The following ETFBKMT variants were observed in gnomAD, a reference collection of about 807,000 sequenced individuals.
ETFBKMT encodes the protein electron transfer flavoprotein subunit beta lysine methyltransferase, also known as electron transfer flavoprotein beta subunit lysine methyltransferase.
Under a neutral mutation model 18.3 loss-of-function variants are expected in ETFBKMT, and 13 were observed. The ratio of observed to expected loss-of-function variants is 0.71; its 90% CI spans 0.46 to 1.13. The LOEUF (loss-of-function observed/expected upper bound fraction) is 1.13, where lower values mean the gene tolerates loss of function less well. Ranked by LOEUF, ETFBKMT falls within the 50% of genes most tolerant of loss-of-function variation. The probability of loss-of-function intolerance (pLI) is 0.00; values close to 1 mark genes in which losing one functional copy is unlikely to be tolerated. For missense variants in ETFBKMT, 293 were observed against 306.2 expected (o/e 0.96, Z 0.32); for synonymous variants, 84 against 107.9 (o/e 0.78, Z 1.37).
At position 31,672,372 on chromosome 12, in the gene ETFBKMT, A is replaced by G. The variant is rs749422450; in HGVS notation, c.*4382A>G. On this transcript the variant is annotated 3_prime_UTR_variant, in exon 4 of 4. Transcript: ENST00000357721. Reference sequence around the variant, plus strand: ...ACTAATTGCTCCAACACTTCTCGGGAATGATCTATAAAAGAAAACAATGAC... The same window carrying G: ...ACTAATTGCTCCAACACTTCTCGGGGATGATCTATAAAAGAAAACAATGAC... The G allele has an allele frequency of 4.5e-6, 7 of 1,566,172 alleles. No homozygotes were observed. Among genetic ancestry groups the G allele is most frequent in the Non-Finnish European group, 6.1e-6 (7 of 1,152,552 alleles).
At chr12:31,647,616 G>T (rs1279796404) in intron 1 of ETFBKMT, among the ~76,000 whole-genome samples, 1 of 152,164 alleles carries the variant, frequency 6.6e-6, no homozygotes, top group Non-Finnish European at 1.5e-5. Context: ...ATCACCTGAG[G>T]TCAGGAGTTC....
Position 31,670,411 on chromosome 12 carries a change from A to G in ETFBKMT, c.*2421A>G, listed in dbSNP as rs1433364624. 1 of 152,110 alleles carries G rather than the reference A, an allele frequency of 6.6e-6. No individual in the cohort carries two copies. Among genetic ancestry groups the G allele is most frequent in the Non-Finnish European group, 1.5e-5 (1 of 68,050 alleles). The allele number at this position is 152,110 out of a possible 1,614,324, so 9.4% of individuals were successfully genotyped here. On this transcript the variant is annotated 3_prime_UTR_variant, in exon 4 of 4. Coordinates refer to ENST00000357721, the MANE Select transcript of ETFBKMT (RefSeq NM_001135863.2). ...GGGAATGATGACTTCCAATCTCTTT[A>G]TATTAGAAAATATAAATCAGACTAG...
At chr12:31,662,357 G>C in intron 2 of ETFBKMT, 90 bp downstream of exon 2, 1 of 1,250,068 alleles carries the variant, frequency 8.0e-7, no homozygotes, top group Middle Eastern at 2.7e-4. Flanking sequence ...GCAATGCTAG[G>C]CGTGGTGGCT....
At chr12:31,655,346 C>A (rs1397078296), upstream of ETFBKMT, among the ~76,000 whole-genome samples, 1 of 152,110 alleles carries the variant, frequency 6.6e-6, no homozygotes, top group African/African-American at 2.4e-5. Flanking sequence ...CAGATAACTG[C>A]CCTCACAAAT....
intron 1 of ETFBKMT, among the ~76,000 whole-genome samples, chr12:31,647,754 G>A (rs946714216): frequency 2.0e-5 from 3 of 152,116 alleles, no homozygotes; most frequent in South Asian, 2.1e-4. Context: ...ACGTGAACCC[G>A]GGAGGCGAAG....
intron 1 of ETFBKMT, among the ~76,000 whole-genome samples, chr12:31,650,202 C>CAA (rs1951004597): frequency 6.6e-6 from 1 of 151,620 alleles, no homozygotes; most frequent in Non-Finnish European, 1.5e-5. Flanking sequence ...CTTTGCTGAT[C>CAA]AAACAGGTTG....
rs748963162 is a variant in ETFBKMT, at chr12:31,667,673, T to G, written c.472T>G (p.Cys158Gly). The G allele has an allele frequency of 8.7e-6, 14 of 1,612,290 alleles. No homozygotes were observed. The Admixed American group carries it at 2.3e-4, about 27-fold the overall frequency. Residue 158 changes from cysteine to glycine, a missense_variant, in exon 4 of 4, where the codon TGT (cysteine) becomes GGT (glycine). Transcript: ENST00000357721. ...TGCAGGAATGGCTATTACACTAAAT[T>G]GTGAATTGAACAGACTGAATCCTTT... ...PIAGMAITLN[C>G]ELNRLNPFPI... is the part of the protein sequence containing the mutation.
chr12:31,667,573 A>C (rs1951214224), intron 3 of ETFBKMT, 74 bp from the exon 4 acceptor site: 1 of 1,116,622 alleles, frequency 9.0e-7, no homozygotes, highest in African/African-American at 1.6e-5. Flanking sequence ...CAGATCTTCT[A>C]AATTATTTAA....
intron 3 of ETFBKMT, 135 bp from the exon 4 acceptor site, chr12:31,667,512 T>C: frequency 1.5e-6 from 1 of 675,436 alleles, no homozygotes; most frequent in Non-Finnish European, 2.5e-6. Context: ...TTTATACTTC[T>C]CTACTTTAAA....
intron 1 of ETFBKMT, 149 bp downstream of exon 1, chr12:31,659,938 C>T (rs1422770042): frequency 7.1e-6 from 1 of 140,890 alleles, no homozygotes; most frequent in African/African-American, 2.7e-5. Context: ...CGCTTCAGGT[C>T]AGGAGTTCCA....
At chr12:31,656,075 G>A (rs1476714185), upstream of ETFBKMT, among the ~76,000 whole-genome samples, 1 of 152,184 alleles carries the variant, frequency 6.6e-6, no homozygotes, top group African/African-American at 2.4e-5. Flanking sequence ...TCATTTAACA[G>A]AGTTTATTGA....
intron 2 of ETFBKMT, among the ~76,000 whole-genome samples, chr12:31,662,745 A>T (rs1348286521): frequency 6.6e-6 from 1 of 152,086 alleles, no homozygotes; most frequent in Admixed American, 6.5e-5. Flanking sequence ...GTCAGCTGTC[A>T]AGACCCTGGA....
At position 31,670,631 on chromosome 12, in the gene ETFBKMT, G is replaced by A. The variant is rs1413744833; in HGVS notation, c.*2641G>A. The stretch of plus-strand genomic sequence containing the variant: ...GTAGGCATGCACCACCATGATGCCT[G>A]GCTAGTTTTTTTATTTTGTATTTTT... On this transcript the variant is annotated 3_prime_UTR_variant, in exon 4 of 4. Transcript: ENST00000357721. 1 of 151,958 alleles carries A rather than the reference G, an allele frequency of 6.6e-6. No homozygotes were observed. Among genetic ancestry groups the A allele is most frequent in the Non-Finnish European group, 1.5e-5 (1 of 68,032 alleles). 9.4% of individuals were successfully genotyped at this position (151,958 alleles called of 1,614,324 possible).
At chr12:31,651,250 C>A (rs1382892268) in intron 1 of ETFBKMT, among the ~76,000 whole-genome samples, 1 of 151,656 alleles carries the variant, frequency 6.6e-6, no homozygotes, top group African/African-American at 2.4e-5. Context: ...TCCCCACTGA[C>A]GTGTCCATTC....
chr12:31,666,455 A>T (rs559487569), intron 3 of ETFBKMT, among the ~76,000 whole-genome samples: 1 of 152,224 alleles, frequency 6.6e-6, no homozygotes, highest in East Asian at 1.9e-4. Context: ...ATGTTAATTT[A>T]TGGGCTAGGA....
chr12:31,648,416 C>T (rs1393030364), intron 1 of ETFBKMT, among the ~76,000 whole-genome samples: 2 of 141,986 alleles, frequency 1.4e-5, no homozygotes, highest in Non-Finnish European at 3.0e-5. Context: ...GGCTGGAGTG[C>T]AATGGCACCA....
chr12:31,651,366 G>C (rs983147330), intron 1 of ETFBKMT, among the ~76,000 whole-genome samples: 2 of 149,822 alleles, frequency 1.3e-5, no homozygotes, highest in African/African-American at 4.9e-5. Context: ...CTGGAGTGCA[G>C]TGGCGCAATC....
chr12:31,661,569 G>A (rs1951124513), intron 1 of ETFBKMT, among the ~76,000 whole-genome samples: 2 of 151,736 alleles, frequency 1.3e-5, no homozygotes, highest in South Asian at 2.1e-4. Context: ...TCCGCCTCCC[G>A]GGTTCAAGCA....
rs1265068375 is a variant in ETFBKMT, at chr12:31,668,126, G to T, written c.*136G>T. 48 of 737,230 alleles carry T rather than the reference G, an allele frequency of 6.5e-5. No individual in the cohort carries two copies. Among genetic ancestry groups the T allele is most frequent in the Non-Finnish European group, 8.5e-6 (4 of 471,964 alleles). The allele number at this position is 737,230 out of a possible 1,614,324, so 45.7% of individuals were successfully genotyped here. A position where few individuals can be genotyped will look rare whatever the true frequency, so the allele number is the denominator to read the frequency against. ...AAAATCTTGTTTTTAAAATATGAAG[G>T]TTTAGAGTTTTGTTTACTTTTGTCA... On this transcript the variant is annotated 3_prime_UTR_variant, in exon 4 of 4. Coordinates refer to ENST00000357721, the MANE Select transcript of ETFBKMT (RefSeq NM_001135863.2).
Sources: allele counts gnomAD v4.1 joint callset (sites outside exome capture counted in the v4.1 genomes callset), GRCh38; gene constraint gnomAD v4.1.1; transcripts MANE v1.5; gene names NCBI Gene and HGNC (gene_info 2026-07-23, HGNC 2026-07-21).